ANK2: variants seen among roughly 807,000 people sequenced by gnomAD.
The protein encoded by ANK2 is ankyrin 2, also known as ankyrin-2.
A neutral mutation model predicts 360.5 loss-of-function variants in ANK2; 83 were observed. The observed-to-expected ratio is 0.23, with a 90% CI of 0.19 to 0.28. The LOEUF is 0.28. ANK2 is among the 10% of genes least tolerant of loss of function. The pLI is 1.00. For missense variants in ANK2, 4,201 were observed against 4,795.7 expected, an observed-to-expected ratio of 0.88 and a Z score of 3.66; for synonymous variants, 1,740 against 1,759.5, an observed-to-expected ratio of 0.99 and a Z score of 0.28.
chr4:113,132,943 T>C (rs1582581139), intron 1 of ANK2, among the ~76,000 whole-genome samples: 1 of 152,316 alleles, frequency 6.6e-6, no homozygotes, highest in Non-Finnish European at 1.5e-5. Context: ...GGAGCTGTAC[T>C]ATTATTATAC....
chr4:113,198,881 G>T (rs2098789585), intron 3 of ANK2, 130 bp from the exon 4 acceptor site: 2 of 757,114 alleles, frequency 2.6e-6, no homozygotes, highest in Non-Finnish European at 4.4e-6. Context: ...TCGTAAGTGG[G>T]CTACTATCTT....
chr4:112,993,387 C>CCGT (rs1344278270), intron 2 of ANK2, among the ~76,000 whole-genome samples: 4 of 151,886 alleles, frequency 2.6e-5, no homozygotes, highest in African/African-American at 4.8e-5. Flanking sequence ...ACTGCAACCT[C>CCGT]CACCTCCCAG....
At chr4:112,770,704 TC>T in the ANK2 span, among the ~76,000 whole-genome samples, 2 of 107,032 alleles carry the variant, frequency 1.9e-5, no homozygotes, top group East Asian at 5.4e-4. Flanking sequence ...AGACTCTCTC[TC>T]TCTCTCAAAA....
intron 1 of ANK2, among the ~76,000 whole-genome samples, chr4:112,869,616 AT>A (rs1388283888): frequency 3.9e-5 from 6 of 152,126 alleles, no homozygotes; most frequent in Admixed American, 3.3e-4. Flanking sequence ...TGACATACAA[AT>A]TTTTAATATT....
intron 39 of ANK2, among the ~76,000 whole-genome samples, chr4:113,361,119 T>G (rs907935357): frequency 6.6e-5 from 10 of 152,194 alleles, no homozygotes; most frequent in Non-Finnish European, 1.0e-4. Context: ...ACTTTCTATT[T>G]GAAGATTTAG....
intron 2 of ANK2, among the ~76,000 whole-genome samples, chr4:112,952,431 C>G (rs1376867663): frequency 6.6e-6 from 1 of 152,162 alleles, no homozygotes; most frequent in African/African-American, 2.4e-5. Flanking sequence ...AAATGCCACA[C>G]CACTGAATAT....
chr4:113,280,159 A>G (rs1238605434), intron 17 of ANK2, among the ~76,000 whole-genome samples: 5 of 152,102 alleles, frequency 3.3e-5, no homozygotes, highest in Non-Finnish European at 4.4e-5. Context: ...CTTTCGTTGA[A>G]CTCTTACAAT....
chr4:113,328,498 TA>T (rs991009606), intron 26 of ANK2, among the ~76,000 whole-genome samples: 12 of 152,154 alleles, frequency 7.9e-5, no homozygotes, highest in South Asian at 2.1e-4. Flanking sequence ...AAAAGTCAAA[TA>T]AAAAAAATTT....
At chr4:113,319,793 A>G (rs919379296) in intron 26 of ANK2, among the ~76,000 whole-genome samples, 1 of 152,154 alleles carries the variant, frequency 6.6e-6, no homozygotes, top group Non-Finnish European at 1.5e-5. Context: ...TTTTTAAAAA[A>G]AGAAAGCTAT....
intron 1 of ANK2, among the ~76,000 whole-genome samples, chr4:113,154,783 T>C (rs1162395131): frequency 1.3e-5 from 2 of 152,204 alleles, no homozygotes; most frequent in African/African-American, 4.8e-5. Context: ...TACCCACCAA[T>C]CAATTCTTTA....
intron 2 of ANK2, among the ~76,000 whole-genome samples, chr4:113,009,049 C>T (rs535731614): frequency 2.6e-4 from 40 of 152,292 alleles, no homozygotes; most frequent in Middle Eastern, 3.4e-3. Context: ...CAGAAGTATA[C>T]GTGGAAGGCT....
At chr4:112,728,049 C>A in the ANK2 span, among the ~76,000 whole-genome samples, 1 of 151,590 alleles carries the variant, frequency 6.6e-6, no homozygotes, top group South Asian at 2.1e-4. Context: ...AATCCCAGAA[C>A]TTTGGGAGGC....
chr4:113,258,591 A>G (rs1423912368), intron 13 of ANK2, among the ~76,000 whole-genome samples, 180 bp downstream of exon 13: 1 of 152,184 alleles, frequency 6.6e-6, no homozygotes, highest in Non-Finnish European at 1.5e-5. Flanking sequence ...AAGAACCTGG[A>G]TAGGGTAAGA....
chr4:112,991,796 T>C (rs2046931458), intron 2 of ANK2, among the ~76,000 whole-genome samples: 1 of 151,966 alleles, frequency 6.6e-6, no homozygotes, highest in African/African-American at 2.4e-5. Flanking sequence ...TTCCCTCAGA[T>C]TCATCACCTG....
chr4:113,181,416 T>G (rs1049806236), intron 2 of ANK2, among the ~76,000 whole-genome samples: 5 of 152,196 alleles, frequency 3.3e-5, no homozygotes, highest in Non-Finnish European at 7.4e-5. Context: ...CGGTCTGAAC[T>G]CAGGCACGCT....
chr4:113,093,368 A>C (rs2089503740), intron 1 of ANK2, among the ~76,000 whole-genome samples: 1 of 151,942 alleles, frequency 6.6e-6, no homozygotes, highest in African/African-American at 2.4e-5. Context: ...TATTTTATTT[A>C]TTTATTTATT....
At chr4:112,990,328 C>T (rs912444577) in intron 2 of ANK2, among the ~76,000 whole-genome samples, 7 of 151,918 alleles carry the variant, frequency 4.6e-5, no homozygotes, top group South Asian at 2.1e-4. Context: ...ACTTGGAGTC[C>T]GTTAAAAGGC....
chr4:112,854,774 T>G (rs1441329174), intron 1 of ANK2, among the ~76,000 whole-genome samples: 4 of 152,098 alleles, frequency 2.6e-5, no homozygotes, highest in Admixed American at 2.0e-4. Context: ...AGGGTTTGGC[T>G]GAGGACTGGT....
At chr4:112,989,733 A>G (rs1168961250) in intron 2 of ANK2, among the ~76,000 whole-genome samples, 1 of 152,248 alleles carries the variant, frequency 6.6e-6, no homozygotes, top group Non-Finnish European at 1.5e-5. Context: ...CTGAAGGTTT[A>G]GTAGTAATAA....
Sources: allele counts gnomAD v4.1 joint callset (sites outside exome capture counted in the v4.1 genomes callset), GRCh38; gene constraint gnomAD v4.1.1; transcripts MANE v1.5; gene names NCBI Gene and HGNC (gene_info 2026-07-23, HGNC 2026-07-21).